Variants in PAPOLA observed in about 807,000 individuals in gnomAD.
PAPOLA encodes poly(A) polymerase alpha.
Under a neutral mutation model 100.6 loss-of-function variants are expected in PAPOLA, and 15 were observed. The ratio of observed to expected loss-of-function variants is 0.15; its 90% CI spans 0.10 to 0.23. PAPOLA has a LOEUF of 0.23. Ranked by LOEUF, PAPOLA falls within the 10% of genes least tolerant of loss-of-function variation. PAPOLA has a pLI of 1.00. For missense variants in PAPOLA, 533 were observed against 884.2 expected (o/e 0.60, Z 5.04); for synonymous variants, 293 against 300.0 (o/e 0.98, Z 0.24).
rs189783555 is a variant in PAPOLA, at chr14:96,502,706, C to G, written c.8+106C>G. The stretch of plus-strand genomic sequence containing the variant: ...GAGGGTGGCACGCGAGCCCGACCCT[C>G]CCCGCTGGTAGGAGGCAGGCAGGAC... On this transcript the variant is annotated intron_variant, in intron 1 of 21. Transcript: ENST00000216277. The G allele has an allele frequency of 5.3e-4, 686 of 1,283,594 alleles. 5 individuals carry two copies. The African/African-American group carries it at 9.6e-3, about 18-fold the overall frequency. The allele number at this position is 1,283,594 out of a possible 1,614,324, so 79.5% of individuals were successfully genotyped here.
chr14:96,503,471 GATA>G (rs984822133), intron 1 of PAPOLA, among the ~76,000 whole-genome samples: 1 of 150,908 alleles, frequency 6.6e-6, no homozygotes, highest in African/African-American at 2.4e-5. Context: ...CCCCCTTTCT[GATA>G]ATGAGATATA....
intron 12 of PAPOLA, among the ~76,000 whole-genome samples, chr14:96,539,897 T>C (rs574403533): frequency 6.6e-6 from 1 of 152,116 alleles, no homozygotes; most frequent in East Asian, 1.9e-4. Flanking sequence ...ATTTGCGGGT[T>C]TTTTTTTATT....
At chr14:96,543,021 A>C in intron 14 of PAPOLA, 128 bp downstream of exon 14, 1 of 943,586 alleles carries the variant, frequency 1.1e-6, no homozygotes, top group Non-Finnish European at 1.6e-6. Flanking sequence ...ACAATTTAGA[A>C]CTTATAATTT....
intron 10 of PAPOLA, chr14:96,535,402 A>G (rs747498892): frequency 4.9e-5 from 48 of 981,788 alleles, no homozygotes; most frequent in Non-Finnish European, 5.2e-5. Flanking sequence ...ATCTCCTAAC[A>G]TATCAACATG....
intron 16 of PAPOLA, among the ~76,000 whole-genome samples, chr14:96,550,141 CCT>C (rs1566861713): frequency 6.6e-6 from 1 of 152,094 alleles, no homozygotes; most frequent in East Asian, 1.9e-4. Context: ...AGAACGAGAC[CCT>C]GTCTCTTACA....
In PAPOLA at chr14:96,509,379, A is replaced by AT. The variant is rs370758505; in HGVS notation, c.8+6787dup. Among the ~76,000 whole-genome samples the AT allele has an allele frequency of 5.1e-3, 782 of 152,018 alleles. 9 individuals carry two copies. Among genetic ancestry groups the AT allele is most frequent in the African/African-American group, 0.018 (747 of 41,464 alleles). ...CAAGTAGAATTAATTTTCAAGCTCAATTTTTTTTGTGTGTATAACATGTAA... is the reference window on the plus strand; with the variant it reads ...CAAGTAGAATTAATTTTCAAGCTCAATTTTTTTTTGTGTGTATAACATGTAA... On this transcript the variant is annotated intron_variant, in intron 1 of 21. Transcript: ENST00000216277.
chr14:96,548,851 A>C (rs916179546), intron 16 of PAPOLA, among the ~76,000 whole-genome samples: 1 of 152,204 alleles, frequency 6.6e-6, no homozygotes, highest in Non-Finnish European at 1.5e-5. Context: ...TTAATTTTAT[A>C]ATATTTTGTT....
chr14:96,527,153 C>CGGTGG, intron 4 of PAPOLA: 1 of 405,020 alleles, frequency 2.5e-6, no homozygotes, highest in Non-Finnish European at 4.4e-6. Flanking sequence ...GAATAATTCC[C>CGGTGG]TCTCCACCAT....
intron 1 of PAPOLA, among the ~76,000 whole-genome samples, chr14:96,516,758 C>T (rs984108034): frequency 3.3e-5 from 5 of 152,104 alleles, no homozygotes; most frequent in South Asian, 2.1e-4. Flanking sequence ...TTCCAGCTTG[C>T]GTCTGATTTA....
chr14:96,529,328 C>A (rs947122401), intron 6 of PAPOLA, among the ~76,000 whole-genome samples: 2 of 151,838 alleles, frequency 1.3e-5, no homozygotes, highest in African/African-American at 2.4e-5. Flanking sequence ...AACAGTTTAT[C>A]CTAGACCACA....
chr14:96,502,580 G>C lies in PAPOLA; in HGVS notation c.-13G>C. 1 of 1,561,254 alleles carries C rather than the reference G, an allele frequency of 6.4e-7. No homozygotes were observed. The highest frequency in any genetic ancestry group is 8.7e-7 in the Non-Finnish European group (1 of 1,153,334). On this transcript the variant is annotated 5_prime_UTR_variant, in exon 1 of 22. Transcript: ENST00000216277. ...GGGGGGGAAGTGACTGGGCGGTGCC[G>C]GCGCCGGAGACGATGCCGTTGTAAG...
intron 19 of PAPOLA, among the ~76,000 whole-genome samples, chr14:96,560,184 G>A (rs751753543): frequency 2.0e-5 from 3 of 152,112 alleles, no homozygotes; most frequent in South Asian, 2.1e-4. Flanking sequence ...TTAGTAGGTC[G>A]TACCAAGAGC....
intron 12 of PAPOLA, chr14:96,537,932 CTT>C (rs569809849): frequency 1.8e-4 from 28 of 152,068 alleles, no homozygotes; most frequent in African/African-American, 6.7e-4. Context: ...GTTTCTGTAT[CTT>C]TTGCATGAGA....
At position 96,556,019 on chromosome 14, in the gene PAPOLA, G is replaced by T. The variant is rs761835912; in HGVS notation, c.1765+72G>T. On this transcript the variant is annotated intron_variant, in intron 18 of 21. Transcript: ENST00000216277. Reference sequence around the variant, plus strand: ...TGGTTTAGCCTTCATTTTGAAAAGTGGGTTTGTTAAGTAGTTGAAATTCAG... The same window carrying T: ...TGGTTTAGCCTTCATTTTGAAAAGTTGGTTTGTTAAGTAGTTGAAATTCAG... 14 of 1,237,202 alleles carry T rather than the reference G, an allele frequency of 1.1e-5. No individual in the cohort carries two copies. In the Admixed American group the frequency reaches 1.8e-4, roughly 16 times the overall value. 76.6% of individuals were successfully genotyped at this position (1,237,202 alleles called of 1,614,324 possible).
intron 2 of PAPOLA, among the ~76,000 whole-genome samples, chr14:96,520,678 CAT>C (rs1897880334): frequency 6.6e-6 from 1 of 152,162 alleles, no homozygotes; most frequent in Non-Finnish European, 1.5e-5. Context: ...TTATTTTCTA[CAT>C]AGAGTTCTCT....
chr14:96,556,272 G>A lies in PAPOLA; in HGVS notation c.1863G>A (p.Leu621=), dbSNP rs1901318432. 3.1e-6 allele frequency: 5 copies of A among 1,613,956 alleles called. No homozygotes were observed. In the South Asian group the frequency reaches 5.5e-5, roughly 18 times the overall value. The change falls in exon 19 of 22, where the codon CTG becomes CTA. Residue 621 remains leucine, a synonymous_variant. Coordinates refer to ENST00000216277, the MANE Select transcript of PAPOLA (RefSeq NM_032632.5). ...TVSRVVSSTR[L]VNPPPRSSGN... is the part of the protein sequence containing the mutation. ...CCAGAGTTGTTTCTTCAACACGTCTGGTAAACCCACCACCTAGATCTTCAG... is the reference window on the plus strand; with the variant it reads ...CCAGAGTTGTTTCTTCAACACGTCTAGTAAACCCACCACCTAGATCTTCAG...
chr14:96,536,047 A>G, intron 11 of PAPOLA, 48 bp downstream of exon 11: 2 of 1,370,930 alleles, frequency 1.5e-6, no homozygotes, highest in Non-Finnish European at 1.9e-6. Context: ...GGATTTACGT[A>G]CCATTGTAGA....
chr14:96,532,692 C>T, intron 9 of PAPOLA, 43 bp downstream of exon 9: 2 of 1,526,100 alleles, frequency 1.3e-6, no homozygotes, highest in Non-Finnish European at 1.7e-6. Context: ...ATTGTAGACA[C>T]TGAAGTTTAG....
At chr14:96,535,091 T>TG in intron 10 of PAPOLA, 1 of 983,332 alleles carries the variant, frequency 1.0e-6, no homozygotes, top group Non-Finnish European at 1.2e-6. Flanking sequence ...TCCATTCTGT[T>TG]TCTTGGGAAG....
Sources: allele counts gnomAD v4.1 joint callset (sites outside exome capture counted in the v4.1 genomes callset), GRCh38; gene constraint gnomAD v4.1.1; transcripts MANE v1.5; gene names NCBI Gene and HGNC (gene_info 2026-07-23, HGNC 2026-07-21).